The following LMO2 variants were observed in gnomAD, a reference collection of about 807,000 sequenced individuals.
LMO2 encodes rhombotin-2.
A neutral mutation model predicts 23.2 loss-of-function variants in LMO2; 20 were observed. The ratio of observed to expected loss-of-function variants is 0.86; its 90% CI spans 0.61 to 1.25. The LOEUF is 1.25. Ranked by LOEUF, LMO2 falls within the 50% of genes most tolerant of loss-of-function variation. The probability of loss-of-function intolerance (pLI) is 0.00; values close to 1 mark genes in which losing one functional copy is unlikely to be tolerated. For missense variants in LMO2, 270 were observed against 315.3 expected, an observed-to-expected ratio of 0.86 and a Z score of 1.09; for synonymous variants, 123 against 130.2, an observed-to-expected ratio of 0.94 and a Z score of 0.38.
At chr11:33,881,125 C>T (rs745659641) in intron 2 of LMO2, 15 of 454,234 alleles carry the variant, frequency 3.3e-5, no homozygotes, top group South Asian at 2.0e-4. Context: ...GAAAAGGGGG[C>T]GTCTCTGATG....
At position 33,866,982 on chromosome 11, in the gene LMO2, A is replaced by G. The variant is rs539920381; in HGVS notation, c.249-2165T>C. 2.6e-5 allele frequency among the ~76,000 whole-genome samples: 4 copies of G among 152,268 alleles called. No individual in the cohort carries two copies. The South Asian group carries it at 8.3e-4, about 32-fold the overall frequency. ...TGCATCTCTTCTCTTTCCACAGCCC[A>G]TGGTCTTACTCTGGGCTTTCAAAAC... On this transcript the variant is annotated intron_variant, in intron 4 of 5. Coordinates refer to ENST00000257818, the MANE Select transcript of LMO2 (RefSeq NM_005574.4).
Position 33,859,192 on chromosome 11 carries a change from G to A in LMO2, c.*164C>T, listed in dbSNP as rs958903518. 1.7e-6 allele frequency: 1 copy of A among 590,800 alleles called. No individual in the cohort carries two copies. Among genetic ancestry groups the A allele is most frequent in the Non-Finnish European group, 3.0e-6 (1 of 329,272 alleles). The allele number at this position is 590,800 out of a possible 1,614,324, so 36.6% of individuals were successfully genotyped here. A position where few individuals can be genotyped will look rare whatever the true frequency, so the allele number is the denominator to read the frequency against. Reference sequence around the variant, plus strand: ...CTTGAAGTGTCAGCCCCTGAATTATGCCACTTGGATGCTATGTCTTGATAC... The same window carrying A: ...CTTGAAGTGTCAGCCCCTGAATTATACCACTTGGATGCTATGTCTTGATAC... On this transcript the variant is annotated 3_prime_UTR_variant, in exon 6 of 6. Transcript: ENST00000257818.
At chr11:33,870,487 C>T in intron 2 of LMO2, 1 of 978,750 alleles carries the variant, frequency 1.0e-6, no homozygotes, top group Non-Finnish European at 1.2e-6. Context: ...GCTGCGGGCT[C>T]CGGGCTGCGG....
chr11:33,867,164 G>GCACA (rs1189237940), intron 4 of LMO2, among the ~76,000 whole-genome samples: 10 of 152,330 alleles, frequency 6.6e-5, no homozygotes, highest in African/African-American at 2.2e-4. Flanking sequence ...GCCACCAGTA[G>GCACA]CACAGCAAGG....
chr11:33,871,978 T>C (rs1857034295), intron 2 of LMO2, among the ~76,000 whole-genome samples: 1 of 152,086 alleles, frequency 6.6e-6, no homozygotes, highest in Admixed American at 6.6e-5. Context: ...ACTCCCAGTA[T>C]CCTGGCCGGG....
chr11:33,867,675 G>A (rs1279427562), intron 4 of LMO2, among the ~76,000 whole-genome samples: 1 of 152,208 alleles, frequency 6.6e-6, no homozygotes, highest in African/African-American at 2.4e-5. Context: ...TGGGCAAATA[G>A]TGAAGTGAAG....
chr11:33,881,072 T>A (rs909676241), intron 2 of LMO2: 1 of 414,514 alleles, frequency 2.4e-6, no homozygotes, highest in Non-Finnish European at 4.8e-6. Flanking sequence ...ATCCCATACT[T>A]AGAGTATAGC....
chr11:33,869,349 G>T lies in LMO2; in HGVS notation c.245C>A (p.Ser82Ter). The change falls in exon 4 of 6, where the codon TCA becomes TAA. Residue 82 changes from serine (S) to a stop codon, truncating the protein, a stop_gained. Transcript: ENST00000257818. LOFTEE classifies it high-confidence loss of function. The part of the protein sequence containing the change: ...SAIERKSLDP[S>*]EEPVDEVLQI... ...GGGGCAGGGGGGCCGCACTTACTCT[G>T]AAGGGTCCAGGCTCTTCCTTTCGAT... 8.4e-7 allele frequency: 1 copy of T among 1,195,204 alleles called. No individual in the cohort carries two copies. The allele number at this position is 1,195,204 out of a possible 1,614,324, so 74.0% of individuals were successfully genotyped here. A position where few individuals can be genotyped will look rare whatever the true frequency, so the allele number is the denominator to read the frequency against.
intron 4 of LMO2, 74 bp downstream of exon 4, chr11:33,869,272 C>T: frequency 9.1e-7 from 1 of 1,096,542 alleles, no homozygotes. Flanking sequence ...CGCGGGCCGC[C>T]CGGGTCCCCC....
At chr11:33,866,262 TC>T (rs1332785313) in intron 4 of LMO2, among the ~76,000 whole-genome samples, 2 of 152,226 alleles carry the variant, frequency 1.3e-5, no homozygotes, top group Admixed American at 1.3e-4. Flanking sequence ...GCCCACACTT[TC>T]TAGACACAGT....
chr11:33,859,291 A>T lies in LMO2; in HGVS notation c.*65T>A. 1 of 1,239,098 alleles carries T rather than the reference A, an allele frequency of 8.1e-7. No individual in the cohort carries two copies. The highest frequency in any genetic ancestry group is 1.2e-6 in the Non-Finnish European group (1 of 853,522). 76.8% of individuals were successfully genotyped at this position (1,239,098 alleles called of 1,614,324 possible). ...ACCCCCAAAGTGCCTAAGAGTGAAG[A>T]CGAAGATGCCATGGAGACGGCGTCT... On this transcript the variant is annotated 3_prime_UTR_variant, in exon 6 of 6. Coordinates refer to ENST00000257818, the MANE Select transcript of LMO2 (RefSeq NM_005574.4).
rs191997278 is a variant in LMO2 at position 33,865,526 on chromosome 11, G to A, written c.249-709C>T. Among the ~76,000 whole-genome samples, 342 of 152,222 alleles carry A rather than the reference G, an allele frequency of 2.2e-3. 1 individual carries two copies. Among genetic ancestry groups the A allele is most frequent in the Middle Eastern group, 0.017 (5 of 294 alleles). ...AATACTTGGAGGAAAATCCCATATC[G>A]TAAGGCCATTGTTACACGAAGGACA... On this transcript the variant is annotated intron_variant, in intron 4 of 5. Transcript: ENST00000257818.
chr11:33,869,501 G>A lies in LMO2; in HGVS notation c.93C>T (p.Asp31=). ...CTCGGGCGCCGCCGCCGCCGCCGCC[G>A]TCGCCGCCGCTCCTGCGCCTCCGCT... is the stretch of plus-strand genomic sequence containing the variant. ...RSKRRRRSGG[D]GGGGGGARAP... is the part of the protein sequence containing the mutation. The change falls in exon 4 of 6, where the codon GAC becomes GAT. Residue 31 remains aspartate (D), a synonymous_variant. Coordinates refer to ENST00000257818, the MANE Select transcript of LMO2 (RefSeq NM_005574.4). The A allele has an allele frequency of 8.3e-7, 1 of 1,199,480 alleles. No individual in the cohort carries two copies. Among genetic ancestry groups the A allele is most frequent in the South Asian group, 3.6e-5 (1 of 27,418 alleles). The allele number at this position is 1,199,480 out of a possible 1,614,324, so 74.3% of individuals were successfully genotyped here.
At chr11:33,872,093 C>T (rs995685393) in intron 2 of LMO2, among the ~76,000 whole-genome samples, 4 of 152,264 alleles carry the variant, frequency 2.6e-5, no homozygotes, top group Middle Eastern at 3.4e-3. Context: ...GAGTTCATGA[C>T]CAGCCTGCCC....
At chr11:33,861,360 T>C (rs1856572847) in intron 5 of LMO2, among the ~76,000 whole-genome samples, 1 of 152,182 alleles carries the variant, frequency 6.6e-6, no homozygotes, top group African/African-American at 2.4e-5. Context: ...CTAAGGGCAG[T>C]TGACACATTT....
At chr11:33,882,042 C>T (rs547762310) in intron 1 of LMO2, among the ~76,000 whole-genome samples, 155 bp from the exon 2 acceptor site, 1 of 152,130 alleles carries the variant, frequency 6.6e-6, no homozygotes, top group Non-Finnish European at 1.5e-5. Context: ...TGATAGCAGG[C>T]GGGTGTCCTT....
At chr11:33,887,028 G>A (rs575154227) in intron 1 of LMO2, among the ~76,000 whole-genome samples, 2 of 152,324 alleles carry the variant, frequency 1.3e-5, no homozygotes, top group South Asian at 4.2e-4. Flanking sequence ...ATTGAAAAAA[G>A]ATATAGGAAT....
At chr11:33,879,520 C>T (rs1011809979) in intron 2 of LMO2, among the ~76,000 whole-genome samples, 4 of 151,142 alleles carry the variant, frequency 2.6e-5, no homozygotes, top group African/African-American at 7.3e-5. Context: ...CGCAGTTACT[C>T]AGGAGCCTGA....
chr11:33,869,743 G>C lies in LMO2; in HGVS notation c.-27C>G. 2 of 1,266,634 alleles carry C rather than the reference G, an allele frequency of 1.6e-6. No homozygotes were observed. The highest frequency in any genetic ancestry group is 3.7e-5 in the East Asian group (1 of 26,680). The allele number at this position is 1,266,634 out of a possible 1,614,324, so 78.5% of individuals were successfully genotyped here. A position where few individuals can be genotyped will look rare whatever the true frequency, so the allele number is the denominator to read the frequency against. ...CCGGTCCCGCCGCCGCCACCGCCCG[G>C]TCCCTCTCGCGCGCTGTCGCCGGCT... On this transcript the variant is annotated 5_prime_UTR_variant, in exon 3 of 6. Transcript: ENST00000257818.
Sources: allele counts gnomAD v4.1 joint callset (sites outside exome capture counted in the v4.1 genomes callset), GRCh38; gene constraint gnomAD v4.1.1; transcripts MANE v1.5; gene names NCBI Gene and HGNC (gene_info 2026-07-23, HGNC 2026-07-21).